Variants in PIEZO1 observed in about 807,000 individuals in gnomAD.
The protein encoded by PIEZO1 is piezo-type mechanosensitive ion channel component 1.
PIEZO1 carries 296 observed loss-of-function variants against 297.2 expected under a neutral mutation model. The observed-to-expected ratio is 1.00, with a 90% confidence interval of 0.91 to 1.10. The LOEUF (loss-of-function observed/expected upper bound fraction) is 1.10. PIEZO1 is among the 50% of genes least tolerant of loss of function. The pLI is 0.00. For synonymous variants in PIEZO1, 2,427 were observed against 1,507.5 expected, an observed-to-expected ratio of 1.61 and a Z score of -14.13; for missense variants, 5,018 against 3,455.5, an observed-to-expected ratio of 1.45 and a Z score of -11.34.
At position 88,720,372 on chromosome 16, in the gene PIEZO1, G is replaced by C; in HGVS notation, c.5949+13C>G. ...TCTGCGTACACTGGGTTTGGGTCCC[G>C]GGCCTGGCTCACCCCAAAGGCCCAG... is the stretch of plus-strand genomic sequence containing the variant. On this transcript the variant is annotated intron_variant, in intron 41 of 50. Transcript: ENST00000301015. 3 of 1,550,288 alleles carry C rather than the reference G, an allele frequency of 1.9e-6. No individual in the cohort carries two copies. Among genetic ancestry groups the C allele is most frequent in the Non-Finnish European group, 2.6e-6 (3 of 1,146,906 alleles).
At chr16:88,778,799 G>T (rs1036968859) in intron 1 of PIEZO1, among the ~76,000 whole-genome samples, 2 of 152,176 alleles carry the variant, frequency 1.3e-5, no homozygotes, top group Non-Finnish European at 2.9e-5. Flanking sequence ...AGAGGCTCGT[G>T]TGCCATCCCA....
intron 1 of PIEZO1, among the ~76,000 whole-genome samples, chr16:88,783,548 G>T (rs978957649): frequency 6.6e-6 from 1 of 152,136 alleles, no homozygotes; most frequent in Non-Finnish European, 1.5e-5. Context: ...CCCTCTCTAA[G>T]GCCTGTCAGC....
In PIEZO1 at chr16:88,726,352, G is replaced by A. The variant is rs375356064; in HGVS notation, c.3900C>T (p.Arg1300=). ...VCFFFLLLQR[R]VFLSHYYLHV... ...GCAGGTAGTAATGGCTAAGGAAGAC[G>A]CGGCGCTGCAGCAGCAGGAAGAAGA... Residue 1300 remains arginine, a synonymous_variant, in exon 27 of 51, where the codon CGC becomes CGT. Coordinates refer to ENST00000301015, the MANE Select transcript of PIEZO1 (RefSeq NM_001142864.4). The A allele has an allele frequency of 6.3e-5, 97 of 1,550,418 alleles. No individual in the cohort carries two copies. In the South Asian group the frequency reaches 8.4e-4, roughly 13 times the overall value.
Position 88,747,753 on chromosome 16 carries a change from C to T in PIEZO1, c.160+1631G>A, listed in dbSNP as rs116079558. On this transcript the variant is annotated intron_variant, in intron 2 of 50. Transcript: ENST00000301015. ...GAAATGGGGGCTGCCCAACAGCTGA[C>T]CTTAAACCAGGGAAGTCGGCCTGGA... Among the ~76,000 whole-genome samples, 1,285 of 152,282 alleles carry T rather than the reference C, an allele frequency of 8.4e-3. 22 individuals are homozygous for T. The highest frequency in any genetic ancestry group is 0.028 in the African/African-American group (1,183 of 41,542).
In PIEZO1 at chr16:88,719,966, G is replaced by T. The variant is rs1224873527; in HGVS notation, c.6165-6C>A. ...CCACATTCTGGTTGAACATCCTGGG[G>T]CGGGATGGCCAGGTCAAGGACCCCA... On this transcript the variant is annotated splice_polypyrimidine_tract_variant and splice_region_variant and intron_variant, in intron 42 of 50. Coordinates refer to ENST00000301015, the MANE Select transcript of PIEZO1 (RefSeq NM_001142864.4). 6.5e-7 allele frequency: 1 copy of T among 1,550,156 alleles called. No individual in the cohort carries two copies. Among genetic ancestry groups the T allele is most frequent in the Admixed American group, 2.0e-5 (1 of 51,000 alleles).
rs1369224635 is a variant in PIEZO1, at chr16:88,715,635, G to A, written c.7536C>T (p.Thr2512=). The A allele has an allele frequency of 5.8e-6, 9 of 1,550,068 alleles. No individual in the cohort carries two copies. In the South Asian group the frequency reaches 7.1e-5, roughly 12 times the overall value. Residue 2512 remains threonine (T), a synonymous_variant, in exon 51 of 51, where the codon ACC becomes ACT. Transcript: ENST00000301015. ...CCTTCTCACGAGTCCACTTGATCAT[G>A]GTCTCCGGTGAGCGGTAGAGGAAGA... is the stretch of plus-strand genomic sequence containing the variant. ...KLIFLYRSPE[T]MIKWTREKE
intron 44 of PIEZO1, chr16:88,717,464 A>C: frequency 1.7e-6 from 1 of 604,512 alleles, no homozygotes; most frequent in South Asian, 1.6e-5. Flanking sequence ...ACCTTTTTCA[A>C]CACGGTGCAG....
intron 1 of PIEZO1, among the ~76,000 whole-genome samples, chr16:88,766,810 C>T (rs1430328675): frequency 6.6e-6 from 1 of 152,260 alleles, no homozygotes; most frequent in South Asian, 2.1e-4. Flanking sequence ...GCCCCAGCTG[C>T]TCTCAGAGCC....
intron 1 of PIEZO1, among the ~76,000 whole-genome samples, chr16:88,778,240 G>A (rs908266223): frequency 2.6e-5 from 4 of 152,126 alleles, no homozygotes; most frequent in African/African-American, 4.8e-5. Flanking sequence ...ACCGAGAGCC[G>A]GCCTTGTTCT....
intron 1 of PIEZO1, among the ~76,000 whole-genome samples, chr16:88,779,781 C>T (rs1250180043): frequency 6.6e-6 from 1 of 152,224 alleles, no homozygotes; most frequent in Non-Finnish European, 1.5e-5. Flanking sequence ...GTGAGTGGCC[C>T]CTTCCCCTCA....
chr16:88,722,444 C>A, intron 35 of PIEZO1, 47 bp from the exon 36 acceptor site: 1 of 1,463,878 alleles, frequency 6.8e-7, no homozygotes, highest in Non-Finnish European at 9.1e-7. Context: ...TATGGCCTGA[C>A]CCCAGGCTAC....
At chr16:88,731,959 A>ATGCACTGAGTCTGGGGGAGGGGGGG (rs1482630762) in intron 21 of PIEZO1, 49 bp from the exon 22 acceptor site, 2 of 63,334 alleles carry the variant, frequency 3.2e-5, no homozygotes, top group East Asian at 3.8e-4. Context: ...GTCTGGGGGG[A>ATGCACTGAGTCTGGGGGAGGGGGGG]GGGACTTTCT....
At chr16:88,776,962 T>A (rs1907694812) in intron 1 of PIEZO1, among the ~76,000 whole-genome samples, 1 of 152,178 alleles carries the variant, frequency 6.6e-6, no homozygotes, top group African/African-American at 2.4e-5. Context: ...CAGGCTGAAG[T>A]GTCAGGATTT....
At chr16:88,738,498 C>G in intron 6 of PIEZO1, 58 bp from the exon 7 acceptor site, 1 of 1,493,684 alleles carries the variant, frequency 6.7e-7, no homozygotes, top group Non-Finnish European at 8.8e-7. Flanking sequence ...CCCGCTGTCT[C>G]CACAGTCATC....
intron 1 of PIEZO1, among the ~76,000 whole-genome samples, chr16:88,758,036 G>A (rs1906759130): frequency 6.6e-6 from 1 of 152,166 alleles, no homozygotes; most frequent in South Asian, 2.1e-4. Context: ...AGGATATAGG[G>A]CTAGACGAAT....
intron 19 of PIEZO1, 66 bp from the exon 20 acceptor site, chr16:88,732,798 C>T: frequency 7.0e-7 from 1 of 1,422,528 alleles, no homozygotes; most frequent in South Asian, 1.4e-5. Flanking sequence ...TGCCCGGAGC[C>T]CACCACAGCC....
At chr16:88,754,221 G>C (rs1261438991) in intron 1 of PIEZO1, among the ~76,000 whole-genome samples, 4 of 152,216 alleles carry the variant, frequency 2.6e-5, no homozygotes, top group Admixed American at 2.6e-4. Context: ...CAGGAGGGGA[G>C]AGGCTGCCCC....
chr16:88,756,842 C>A (rs566907450), intron 1 of PIEZO1, among the ~76,000 whole-genome samples: 210 of 152,072 alleles, frequency 1.4e-3, no homozygotes, highest in African/African-American at 4.8e-3. Context: ...TTTGGGAGGC[C>A]GAGGCGGGCA....
At position 88,722,673 on chromosome 16, in the gene PIEZO1, C is replaced by T. The variant is rs984713605; in HGVS notation, c.4685G>A (p.Arg1562Lys). 5 of 1,537,676 alleles carry T rather than the reference C, an allele frequency of 3.3e-6. No homozygotes were observed. The Admixed American group carries it at 7.9e-5, about 24-fold the overall frequency. The change falls in exon 35 of 51, where the codon AGG becomes AAG. Residue 1562 changes from arginine (R) to lysine (K), a missense_variant. Physicochemically the swap from Arg to Lys is conservative, Grantham distance 26. Transcript: ENST00000301015. ...QELLQGGEVH[R>K]GVLDQLYTSQ... ...TGTGTACAGCTGATCCAGCACGCCCCTGTGCACTTCGCCGCCCTGCAGGGC... is the reference window on the plus strand; with the variant it reads ...TGTGTACAGCTGATCCAGCACGCCCTTGTGCACTTCGCCGCCCTGCAGGGC...
Sources: allele counts gnomAD v4.1 joint callset (sites outside exome capture counted in the v4.1 genomes callset), GRCh38; gene constraint gnomAD v4.1.1; transcripts MANE v1.5; gene names NCBI Gene and HGNC (gene_info 2026-07-23, HGNC 2026-07-21).